The following DENND6A variants were observed in gnomAD, a reference collection of about 807,000 sequenced individuals.
The protein encoded by DENND6A is DENN domain containing 6A, also known as protein DENND6A.
A neutral mutation model predicts 95.5 loss-of-function variants in DENND6A; 43 were observed. That is an observed-to-expected ratio of 0.45 (90% confidence interval 0.35 to 0.58). DENND6A has a LOEUF of 0.58. DENND6A is among the 20% of genes least tolerant of loss of function. The pLI is 0.00. For synonymous variants in DENND6A, 257 were observed against 260.4 expected (o/e 0.99, Z 0.13); for missense variants, 574 against 736.0 (o/e 0.78, Z 2.55).
intron 12 of DENND6A, among the ~76,000 whole-genome samples, chr3:57,636,936 CA>C (rs60350642): frequency 0.023 from 1,196 of 52,032 alleles, 6 homozygotes; most frequent in African/African-American, 0.066. Context: ...GACTCTGTCT[CA>C]AAAAAAAAAA....
Position 57,634,738 on chromosome 3 carries a change from T to G in DENND6A, c.1164A>C (p.Lys388Asn). ...AATCCAGAGTCTTTAGATTCTTCAG[T>G]TTTTTCACTTTAACCTGCTTAGGAA... ...GEIPKQVKVK[K>N]LKNLKTLDSK... The change falls in exon 13 of 20, where the codon AAA becomes AAC. Residue 388 changes from lysine to asparagine, a missense_variant. Transcript: ENST00000311128. 1 of 1,571,872 alleles carries G rather than the reference T, an allele frequency of 6.4e-7. No individual in the cohort carries two copies. The highest frequency in any genetic ancestry group is 8.6e-7 in the Non-Finnish European group (1 of 1,159,356).
chr3:57,631,912 C>T (rs1243642405), intron 15 of DENND6A, among the ~76,000 whole-genome samples: 13 of 149,670 alleles, frequency 8.7e-5, no homozygotes, highest in South Asian at 4.2e-4. Context: ...TTAGTAGAGA[C>T]GGGGTTTCAC....
In DENND6A at chr3:57,660,811, G is replaced by A; in HGVS notation, c.648C>T (p.Ala216=). 1 of 1,607,702 alleles carries A rather than the reference G, an allele frequency of 6.2e-7. No individual in the cohort carries two copies. The highest frequency in any genetic ancestry group is 8.5e-7 in the Non-Finnish European group (1 of 1,177,012). ...AACNDVDRWP[A]PVPGKTLHLP... ...GGTGTAATGTTTTCCCTGGCACTGG[G>A]GCAGGCCATCGATCAACATCATTAC... The change falls in exon 7 of 20, where the codon GCC becomes GCT. Residue 216 remains alanine, a synonymous_variant. Transcript: ENST00000311128.
intron 1 of DENND6A, among the ~76,000 whole-genome samples, chr3:57,676,801 C>CA (rs2071716612): frequency 1.3e-5 from 2 of 152,056 alleles, no homozygotes; most frequent in East Asian, 3.8e-4. Context: ...AGCTATAGCT[C>CA]AAACTGCTAT....
At chr3:57,633,758 C>G (rs1392997319) in intron 14 of DENND6A, among the ~76,000 whole-genome samples, 1 of 151,468 alleles carries the variant, frequency 6.6e-6, no homozygotes, top group African/African-American at 2.4e-5. Context: ...GGTGTGGTGG[C>G]GGGCACCTGT....
chr3:57,675,843 C>T (rs760364926), intron 1 of DENND6A, among the ~76,000 whole-genome samples: 1 of 152,198 alleles, frequency 6.6e-6, no homozygotes, highest in Non-Finnish European at 1.5e-5. Context: ...TGGCACTATA[C>T]ATTAGTCACA....
intron 9 of DENND6A, among the ~76,000 whole-genome samples, chr3:57,647,646 A>G (rs1305905765): frequency 6.6e-6 from 1 of 152,182 alleles, no homozygotes; most frequent in African/African-American, 2.4e-5. Context: ...ACCACCTGGC[A>G]TAAGGTGTCA....
intron 12 of DENND6A, among the ~76,000 whole-genome samples, chr3:57,637,132 A>T (rs1046339464): frequency 2.0e-5 from 3 of 152,178 alleles, no homozygotes; most frequent in African/African-American, 7.2e-5. Flanking sequence ...TATCACATTT[A>T]ATCTTCACAA....
intron 9 of DENND6A, among the ~76,000 whole-genome samples, chr3:57,649,757 C>T (rs2071160606): frequency 6.6e-6 from 1 of 151,706 alleles, no homozygotes; most frequent in Non-Finnish European, 1.5e-5. Flanking sequence ...TGCATGGATA[C>T]CCTCCTTACC....
chr3:57,631,670 C>T (rs1235432825), intron 15 of DENND6A, among the ~76,000 whole-genome samples: 1 of 146,728 alleles, frequency 6.8e-6, no homozygotes, highest in Non-Finnish European at 1.5e-5. Context: ...CAAGGTAATA[C>T]AATTTAGACT....
chr3:57,653,148 C>A (rs914613269), intron 9 of DENND6A, among the ~76,000 whole-genome samples: 3 of 152,176 alleles, frequency 2.0e-5, no homozygotes, highest in African/African-American at 7.2e-5. Flanking sequence ...ATTGTACTTA[C>A]TACTTTTCTG....
At position 57,660,850 on chromosome 3, in the gene DENND6A, T is replaced by A. The variant is rs753369626; in HGVS notation, c.620-11A>T. 2 of 1,570,440 alleles carry A rather than the reference T, an allele frequency of 1.3e-6. No individual in the cohort carries two copies. The highest frequency in any genetic ancestry group is 1.9e-5 in the Admixed American group (1 of 52,458). ...CAACATCATTACAAGCTGAAAAATA[T>A]AATAAAATATTTTCTTAGAATAAGT... On this transcript the variant is annotated splice_polypyrimidine_tract_variant and intron_variant, in intron 6 of 19. Coordinates refer to ENST00000311128, the MANE Select transcript of DENND6A (RefSeq NM_152678.3).
intron 1 of DENND6A, among the ~76,000 whole-genome samples, chr3:57,676,524 C>T (rs1400136777): frequency 6.6e-6 from 1 of 151,844 alleles, no homozygotes; most frequent in East Asian, 1.9e-4. Context: ...CAGAGCCCTT[C>T]TAAAATTTTA....
At chr3:57,646,278 A>C (rs1213816918) in intron 10 of DENND6A, 38 bp downstream of exon 10, 2 of 1,312,088 alleles carry the variant, frequency 1.5e-6, no homozygotes, top group Non-Finnish European at 2.0e-6. Flanking sequence ...TGCAGCATCC[A>C]AAAAAAAAAC....
chr3:57,672,361 A>G (rs760654032), intron 2 of DENND6A, 39 bp downstream of exon 2: 1 of 1,611,222 alleles, frequency 6.2e-7, no homozygotes, highest in Non-Finnish European at 8.5e-7. Context: ...ACAAACAGAA[A>G]TATAACAGTA....
At chr3:57,680,930 T>C (rs185117085) in intron 1 of DENND6A, among the ~76,000 whole-genome samples, 1 of 152,238 alleles carries the variant, frequency 6.6e-6, no homozygotes, top group Admixed American at 6.5e-5. Context: ...GCAGAGAAAT[T>C]AGAACCCTTA....
chr3:57,680,498 GAA>G (rs1231491687), intron 1 of DENND6A, among the ~76,000 whole-genome samples: 2 of 152,040 alleles, frequency 1.3e-5, no homozygotes, highest in African/African-American at 4.8e-5. Context: ...CTATGAATCA[GAA>G]AGAGTACCCT....
At chr3:57,692,120 C>G (rs1463015802) in intron 1 of DENND6A, among the ~76,000 whole-genome samples, 1 of 149,296 alleles carries the variant, frequency 6.7e-6, no homozygotes, top group Non-Finnish European at 1.5e-5. Flanking sequence ...CCCAGCTACT[C>G]GGGAGGCTGA....
At chr3:57,687,123 C>T (rs2077218040) in intron 1 of DENND6A, among the ~76,000 whole-genome samples, 1 of 151,990 alleles carries the variant, frequency 6.6e-6, no homozygotes, top group Non-Finnish European at 1.5e-5. Flanking sequence ...CCTCCCAAAG[C>T]GCTGAGAATA....
Sources: gnomAD v4.1 joint callset for allele counts (sites outside exome capture counted in the v4.1 genomes callset) on GRCh38, gnomAD v4.1.1 for gene constraint, MANE v1.5 for transcripts, NCBI Gene and HGNC (gene_info 2026-07-23, HGNC 2026-07-21) for gene names.